DNAH11: variants seen among roughly 807,000 people sequenced by gnomAD.
DNAH11 encodes axonemal beta dynein heavy chain 11.
A neutral mutation model predicts 526.0 loss-of-function variants in DNAH11; 442 were observed. The ratio of observed to expected loss-of-function variants is 0.84; its 90% confidence interval spans 0.78 to 0.91. The LOEUF is 0.91. Among genes scored for constraint, DNAH11 ranks in the 40% least tolerant of loss-of-function variants. The probability of loss-of-function intolerance (pLI) is 0.00; values close to 1 mark genes in which losing one functional copy is unlikely to be tolerated. For synonymous variants in DNAH11, 2,461 were observed against 1,935.9 expected (o/e 1.27, Z -7.12); for missense variants, 6,989 against 5,448.7 (o/e 1.28, Z -8.90).
rs570956035 is a variant in DNAH11, at chr7:21,716,019, T to C, written c.6984-1756T>C. ...GATCGGTAGATTTTCTCTGAGACTT[T>C]AGTTGCTGCTGATGTGACTCCATGA... On this transcript the variant is annotated intron_variant, in intron 42 of 81. Coordinates refer to ENST00000409508, the MANE Select transcript of DNAH11 (RefSeq NM_001277115.2). Among the ~76,000 whole-genome samples, 24 of 152,232 alleles carry C rather than the reference T, an allele frequency of 1.6e-4. No individual in the cohort carries two copies. The South Asian group carries it at 4.6e-3, about 29-fold the overall frequency.
intron 76 of DNAH11, among the ~76,000 whole-genome samples, chr7:21,887,830 T>G (rs1253235820): frequency 2.0e-5 from 3 of 152,168 alleles, no homozygotes; most frequent in Non-Finnish European, 2.9e-5. Flanking sequence ...AGAGTAAGTA[T>G]TATTCCATTT....
chr7:21,691,997 C>T (rs888407565), intron 35 of DNAH11, among the ~76,000 whole-genome samples: 1 of 152,196 alleles, frequency 6.6e-6, no homozygotes, highest in Non-Finnish European at 1.5e-5. Context: ...CCAATGTATG[C>T]ACTTAGCAGG....
intron 14 of DNAH11, among the ~76,000 whole-genome samples, chr7:21,594,767 A>G (rs900320883): frequency 3.3e-5 from 5 of 151,886 alleles, no homozygotes; most frequent in African/African-American, 9.7e-5. Context: ...AGCTGAGTGG[A>G]GAGTTGCTGA....
At chr7:21,622,502 G>A (rs866948326) in intron 25 of DNAH11, among the ~76,000 whole-genome samples, 9 of 152,004 alleles carry the variant, frequency 5.9e-5, no homozygotes, top group East Asian at 1.9e-4. Context: ...AAAAGACCCC[G>A]CATTGCCAAG....
chr7:21,576,295 T>G (rs937210889), intron 8 of DNAH11, among the ~76,000 whole-genome samples: 1 of 152,194 alleles, frequency 6.6e-6, no homozygotes, highest in Non-Finnish European at 1.5e-5. Context: ...CTGAAAGGCC[T>G]CAGCAAGCAC....
intron 8 of DNAH11, among the ~76,000 whole-genome samples, chr7:21,579,438 G>A (rs1411357816): frequency 6.6e-6 from 1 of 152,204 alleles, no homozygotes; most frequent in Non-Finnish European, 1.5e-5. Context: ...CGGTGCTGGA[G>A]TATGAAGAGT....
intron 55 of DNAH11, among the ~76,000 whole-genome samples, chr7:21,767,750 C>A (rs1859102): frequency 2.6e-5 from 4 of 152,070 alleles, no homozygotes; most frequent in South Asian, 4.2e-4. Context: ...TTCTAAAAAC[C>A]TGTGGTGTCT....
chr7:21,726,935 C>CTTT lies in DNAH11; in HGVS notation c.7440+965_7440+967dup, dbSNP rs1330445927. On this transcript the variant is annotated intron_variant, in intron 45 of 81. Transcript: ENST00000409508. ...CTGTTATATTTCTGCATCCTCTTTTCTTTTTTTTTTTTTTTTGAGATGGAG... is the reference window on the plus strand; with the variant it reads ...CTGTTATATTTCTGCATCCTCTTTTCTTTTTTTTTTTTTTTTTTTGAGATGGAG... 9.4e-5 allele frequency among the ~76,000 whole-genome samples: 3 copies of CTTT among 31,986 alleles called. 1 individual carries two copies. Among genetic ancestry groups the CTTT allele is most frequent in the African/African-American group, 4.4e-4 (3 of 6,842 alleles). The allele number at this position is 31,986 out of a possible 152,430, so 21.0% of individuals were successfully genotyped here.
intron 30 of DNAH11, 130 bp from the exon 31 acceptor site, chr7:21,681,416 G>C (rs1299330408): frequency 2.2e-6 from 2 of 925,916 alleles, no homozygotes; most frequent in African/African-American, 3.4e-5. Flanking sequence ...GACAGAGTGA[G>C]ACTCCATCTC....
chr7:21,748,281 C>T (rs1297291375), intron 51 of DNAH11, among the ~76,000 whole-genome samples: 1 of 152,126 alleles, frequency 6.6e-6, no homozygotes, highest in Non-Finnish European at 1.5e-5. Flanking sequence ...ATCAGGAGTT[C>T]AAGACCAGCC....
chr7:21,881,239 C>A (rs1000721047), intron 75 of DNAH11, among the ~76,000 whole-genome samples: 1 of 152,178 alleles, frequency 6.6e-6, no homozygotes, highest in Non-Finnish European at 1.5e-5. Context: ...TAATTACATA[C>A]AGCAATTCTG....
intron 44 of DNAH11, among the ~76,000 whole-genome samples, chr7:21,721,647 T>G (rs1784878104): frequency 6.6e-6 from 1 of 152,172 alleles, no homozygotes; most frequent in Admixed American, 6.5e-5. Flanking sequence ...ATGAGGACAC[T>G]AATCCCATCA....
At chr7:21,637,831 A>T (rs1257570972) in intron 27 of DNAH11, 129 bp downstream of exon 27, 3 of 528,486 alleles carry the variant, frequency 5.7e-6, no homozygotes, top group Admixed American at 3.8e-5. Flanking sequence ...AATTTTGCTT[A>T]TAATTATCTA....
chr7:21,752,524 A>G (rs1786457014), intron 54 of DNAH11, among the ~76,000 whole-genome samples: 3 of 151,952 alleles, frequency 2.0e-5, no homozygotes, highest in Non-Finnish European at 4.4e-5. Context: ...TATTTTTCCT[A>G]TTCTTTTGTT....
In DNAH11 at chr7:21,581,935, T is replaced by G; in HGVS notation, c.1624T>G (p.Ser542Ala). Reference protein sequence around the residue: ...EFESDYVAFKSKTLEFDRRLG... With the variant: ...EFESDYVAFKAKTLEFDRRLG... ...TGAAAGTGATTATGTGGCATTTAAG[T>G]CCAAAACTCTGGAATTTGACAGAAG... The change falls in exon 9 of 82, where the codon TCC (serine) becomes GCC (alanine). Residue 542 changes from serine (S) to alanine (A), a missense_variant. By Grantham distance (99) the Ser-to-Ala change is moderately conservative (BLOSUM62 1). Coordinates refer to ENST00000409508, the MANE Select transcript of DNAH11 (RefSeq NM_001277115.2). 2 of 1,612,754 alleles carry G rather than the reference T, an allele frequency of 1.2e-6. No homozygotes were observed. The highest frequency in any genetic ancestry group is 1.7e-6 in the Non-Finnish European group (2 of 1,179,148).
At chr7:21,899,198 CAG>C in intron 79 of DNAH11, 136 bp from the exon 80 acceptor site, 5 of 694,072 alleles carry the variant, frequency 7.2e-6, no homozygotes, top group African/African-American at 1.7e-5. Flanking sequence ...TGCAAATTGT[CAG>C]GGAAGGATTT....
chr7:21,598,451 C>T (rs1347783046), intron 14 of DNAH11, among the ~76,000 whole-genome samples: 6 of 152,118 alleles, frequency 3.9e-5, no homozygotes, highest in East Asian at 3.9e-4. Context: ...TCCATTGTGT[C>T]GCCCAAACTC....
At chr7:21,696,705 A>G (rs1783866847) in intron 35 of DNAH11, among the ~76,000 whole-genome samples, 1 of 152,120 alleles carries the variant, frequency 6.6e-6, no homozygotes, top group African/African-American at 2.4e-5. Flanking sequence ...GTGCCTTTGG[A>G]GTATTCTGAT....
chr7:21,850,724 G>C (rs78212200), intron 66 of DNAH11, among the ~76,000 whole-genome samples: 2,148 of 149,434 alleles, frequency 0.014, 58 homozygotes, highest in African/African-American at 0.049. Flanking sequence ...CAGAGGTTTA[G>C]TGTGAGGTTT....
Sources: allele counts gnomAD v4.1 joint callset (sites outside exome capture counted in the v4.1 genomes callset), GRCh38; gene constraint gnomAD v4.1.1; transcripts MANE v1.5; gene names NCBI Gene and HGNC (gene_info 2026-07-23, HGNC 2026-07-21).